Variants in DRAM1 observed in about 807,000 individuals in gnomAD.
DRAM1 encodes DNA damage-regulated autophagy modulator protein 1.
A neutral mutation model predicts 28.5 loss-of-function variants in DRAM1; 25 were observed. The observed-to-expected ratio is 0.88, with a 90% CI of 0.64 to 1.23. The LOEUF (loss-of-function observed/expected upper bound fraction) is 1.23, where lower values mean the gene tolerates loss of function less well. Among genes scored for constraint, DRAM1 ranks in the 50% most tolerant of loss-of-function variants. The pLI is 0.00. For missense variants in DRAM1, 249 were observed against 299.2 expected (o/e 0.83, Z 1.24); for synonymous variants, 113 against 114.2 (o/e 0.99, Z 0.07).
chr12:101,894,688 TAGACAGAG>T (rs1271446471), intron 1 of DRAM1, among the ~76,000 whole-genome samples: 1 of 152,208 alleles, frequency 6.6e-6, no homozygotes, highest in African/African-American at 2.4e-5. Context: ...TTGCCATCAA[TAGACAGAG>T]TCCCCAGGTC....
chr12:101,895,674 G>A (rs1247603276), intron 1 of DRAM1, among the ~76,000 whole-genome samples: 2 of 145,846 alleles, frequency 1.4e-5, no homozygotes, highest in South Asian at 2.2e-4. Flanking sequence ...GAGTTCAAGC[G>A]ATTCTCCTGC....
chr12:101,887,860 T>C (rs1273883078), intron 1 of DRAM1, among the ~76,000 whole-genome samples: 1 of 151,872 alleles, frequency 6.6e-6, no homozygotes, highest in Non-Finnish European at 1.5e-5. Context: ...TGACTTTTGC[T>C]TAAACCAACT....
At chr12:101,898,059 C>T in intron 2 of DRAM1, 129 bp downstream of exon 2, 1 of 554,958 alleles carries the variant, frequency 1.8e-6, no homozygotes, top group Non-Finnish European at 2.9e-6. Flanking sequence ...GGGTCTCTGT[C>T]ATCCAGGCTG....
At chr12:101,886,119 A>G (rs1466536944) in intron 1 of DRAM1, among the ~76,000 whole-genome samples, 2 of 152,154 alleles carry the variant, frequency 1.3e-5, no homozygotes, top group Admixed American at 6.5e-5. Flanking sequence ...GTTTTCCAGC[A>G]CAGTTAGAGA....
chr12:101,877,842 G>A lies in DRAM1; in HGVS notation c.53G>A (p.Trp18Ter), dbSNP rs1872545168. ...MAFVPFLLVT[W>*]SSAAFIISYV... ...TTCGTCCCCTTCCTCTTGGTGACCTGGTCGTCAGCCGCCTTCATTATCTCC... is the reference window on the plus strand; with the variant it reads ...TTCGTCCCCTTCCTCTTGGTGACCTAGTCGTCAGCCGCCTTCATTATCTCC... Residue 18 changes from tryptophan (W) to a stop codon, truncating the protein, a stop_gained, in exon 1 of 7, where the codon TGG becomes TAG. Coordinates refer to ENST00000258534, the MANE Select transcript of DRAM1 (RefSeq NM_018370.3). LOFTEE classifies it high-confidence loss of function. The surrounding 1 kb of genome is among the most constrained non-coding windows in gnomAD (Gnocchi z 4.1). 3 of 1,547,344 alleles carry A rather than the reference G, an allele frequency of 1.9e-6. No individual in the cohort carries two copies. The highest frequency in any genetic ancestry group is 1.4e-5 in the African/African-American group (1 of 73,030).
intron 4 of DRAM1, among the ~76,000 whole-genome samples, chr12:101,909,506 C>T (rs1033089676): frequency 6.6e-6 from 1 of 152,074 alleles, no homozygotes; most frequent in African/African-American, 2.4e-5. Context: ...CCCACGAAGT[C>T]CCTCAAGGCT....
At chr12:101,892,222 T>C (rs1206666978) in intron 1 of DRAM1, among the ~76,000 whole-genome samples, 3 of 151,750 alleles carry the variant, frequency 2.0e-5, no homozygotes, top group African/African-American at 7.3e-5. Flanking sequence ...AAGAGCTATT[T>C]CATTTTTATT....
chr12:101,917,694 C>CAA (rs34726299), intron 5 of DRAM1, among the ~76,000 whole-genome samples: 1,324 of 107,714 alleles, frequency 0.012, 30 homozygotes, highest in African/African-American at 0.039. Flanking sequence ...GACTCCATCT[C>CAA]AAAAAAAAAA....
chr12:101,916,206 T>A (rs1874237557), intron 5 of DRAM1, among the ~76,000 whole-genome samples: 1 of 152,130 alleles, frequency 6.6e-6, no homozygotes, highest in Non-Finnish European at 1.5e-5. Flanking sequence ...TATGATGAGA[T>A]ATCGAGGTTA....
At chr12:101,913,235 G>T (rs1473846649) in intron 4 of DRAM1, among the ~76,000 whole-genome samples, 1 of 152,078 alleles carries the variant, frequency 6.6e-6, no homozygotes, top group East Asian at 1.9e-4. Flanking sequence ...CTGATATGGG[G>T]CGAATCTCTT....
At chr12:101,899,579 TA>T (rs1331785439) in intron 2 of DRAM1, among the ~76,000 whole-genome samples, 4 of 147,010 alleles carry the variant, frequency 2.7e-5, no homozygotes, top group African/African-American at 1.0e-4. Context: ...CTTGGAAGGA[TA>T]AAGTGGAAGA....
At chr12:101,912,875 A>G (rs1874097351) in intron 4 of DRAM1, among the ~76,000 whole-genome samples, 2 of 151,618 alleles carry the variant, frequency 1.3e-5, no homozygotes, top group Non-Finnish European at 2.9e-5. Context: ...TTACAGGTGC[A>G]CGCCACCATG....
At chr12:101,905,092 G>C in intron 3 of DRAM1, among the ~76,000 whole-genome samples, 1 of 151,982 alleles carries the variant, frequency 6.6e-6, no homozygotes, top group East Asian at 1.9e-4. Context: ...TAGAGATGGG[G>C]TCTTGCTATG....
chr12:101,888,121 A>G (rs1287886475), intron 1 of DRAM1, among the ~76,000 whole-genome samples: 1 of 152,070 alleles, frequency 6.6e-6, no homozygotes, highest in Non-Finnish European at 1.5e-5. Context: ...CTTTAGCTAG[A>G]AAAGTATTAT....
At chr12:101,891,659 A>G (rs1336197661) in intron 1 of DRAM1, among the ~76,000 whole-genome samples, 1 of 152,262 alleles carries the variant, frequency 6.6e-6, no homozygotes, top group Non-Finnish European at 1.5e-5. Context: ...ATAACTGTGT[A>G]TACATAACAG....
chr12:101,906,521 A>T (rs185571132), intron 3 of DRAM1, among the ~76,000 whole-genome samples: 41 of 152,298 alleles, frequency 2.7e-4, no homozygotes, highest in Admixed American at 2.7e-3. Flanking sequence ...GTTCCATCTA[A>T]ATGTTCCTCG....
chr12:101,877,878 C>T lies in DRAM1; in HGVS notation c.89C>T (p.Ala30Val), dbSNP rs1212477885. The T allele has an allele frequency of 6.5e-7, 1 of 1,544,314 alleles. No individual in the cohort carries two copies. Among genetic ancestry groups the T allele is most frequent in the Non-Finnish European group, 8.8e-7 (1 of 1,142,840 alleles). The part of the protein sequence containing the change: ...SAAFIISYVV[A>V]VLSGHVNPFL... ...GCCTTCATTATCTCCTACGTGGTCG[C>T]CGTGCTCTCCGGGCACGTCAACCCC... The change falls in exon 1 of 7, where the codon GCC becomes GTC. Residue 30 changes from alanine to valine, a missense_variant. Physicochemically the swap from Ala to Val is moderately conservative, Grantham distance 64. Transcript: ENST00000258534. The surrounding 1 kb of genome is among the most constrained non-coding windows in gnomAD (Gnocchi z 4.1).
chr12:101,891,954 C>T (rs1194734347), intron 1 of DRAM1, among the ~76,000 whole-genome samples: 1 of 152,166 alleles, frequency 6.6e-6, no homozygotes, highest in African/African-American at 2.4e-5. Flanking sequence ...ATACTACTAC[C>T]TCTGCCCTTG....
chr12:101,885,930 C>G (rs1242602433), intron 1 of DRAM1, among the ~76,000 whole-genome samples: 2 of 152,160 alleles, frequency 1.3e-5, no homozygotes, highest in African/African-American at 4.8e-5. Context: ...TGGGGTTTGT[C>G]CACAGCATTT....
Sources: allele counts gnomAD v4.1 joint callset (sites outside exome capture counted in the v4.1 genomes callset), GRCh38; gene constraint gnomAD v4.1.1; non-coding constraint Gnocchi (gnomAD v3.1); transcripts MANE v1.5; gene names NCBI Gene and HGNC (gene_info 2026-07-23, HGNC 2026-07-21).